ABHD1: variants seen among roughly 807,000 people sequenced by gnomAD.
ABHD1 encodes the protein abhydrolase domain containing 1, also known as protein ABHD1.
A neutral mutation model predicts 41.4 loss-of-function variants in ABHD1; 47 were observed. That is an observed-to-expected ratio of 1.13 (90% CI 0.90 to 1.45). ABHD1 has a LOEUF of 1.45. Among genes scored for constraint, ABHD1 ranks in the 40% most tolerant of loss-of-function variants. The pLI, the probability that ABHD1 is intolerant of heterozygous loss-of-function variation, is 0.00. For synonymous variants in ABHD1, 205 were observed against 203.7 expected (o/e 1.01, Z -0.05); for missense variants, 550 against 503.4 (o/e 1.09, Z -0.89).
intron 1 of ABHD1, 58 bp from the exon 2 acceptor site, chr2:27,128,383 G>T (rs777261230): frequency 6.2e-7 from 1 of 1,609,214 alleles, no homozygotes; most frequent in South Asian, 1.1e-5. Flanking sequence ...GGTGTTGGGT[G>T]CCTCACTAGC....
chr2:27,130,422 T>C lies in ABHD1; in HGVS notation c.1006+6T>C. 6.2e-7 allele frequency: 1 copy of C among 1,614,110 alleles called. No homozygotes were observed. The highest frequency in any genetic ancestry group is 8.5e-7 in the Non-Finnish European group (1 of 1,180,010). The stretch of plus-strand genomic sequence containing the variant: ...CCCCTTCTCCCCCGTCTGTGGTGAG[T>C]ACTCTGATTCAGGACACTTTGGCCC... On this transcript the variant is annotated splice_donor_region_variant and intron_variant, in intron 8 of 8. Transcript: ENST00000316470.
intron 1 of ABHD1, 75 bp downstream of exon 1, chr2:27,124,137 TG>T: frequency 7.4e-7 from 1 of 1,351,332 alleles, no homozygotes; most frequent in Non-Finnish European, 1.1e-6. Flanking sequence ...CTTGGGCCCT[TG>T]GTGGGAACTG....
chr2:27,130,238 G>GT lies in ABHD1; in HGVS notation c.841-12dup. 1 of 1,614,070 alleles carries GT rather than the reference G, an allele frequency of 6.2e-7. No individual in the cohort carries two copies. Among genetic ancestry groups the GT allele is most frequent in the Non-Finnish European group, 8.5e-7 (1 of 1,180,026 alleles). Reference sequence around the variant, plus strand: ...CTTTATCATCTTAGCCTATCCTATGGTAAGACCTGCAGGCCCGTACAATCC... The same window carrying GT: ...CTTTATCATCTTAGCCTATCCTATGGTTAAGACCTGCAGGCCCGTACAATCC... On this transcript the variant is annotated splice_polypyrimidine_tract_variant and intron_variant, in intron 7 of 8. Coordinates refer to ENST00000316470, the MANE Select transcript of ABHD1 (RefSeq NM_032604.4).
chr2:27,129,596 C>T lies in ABHD1; in HGVS notation c.587C>T (p.Pro196Leu). The T allele has an allele frequency of 6.2e-7, 1 of 1,613,660 alleles. No individual in the cohort carries two copies. Among genetic ancestry groups the T allele is most frequent in the Non-Finnish European group, 8.5e-7 (1 of 1,180,040 alleles). Residue 196 changes from proline to leucine, a missense_variant, in exon 5 of 9, where the codon CCA becomes CTA. Pro to Leu is a moderately conservative substitution (Grantham distance 98, BLOSUM62 -3). Transcript: ENST00000316470. The stretch of plus-strand genomic sequence containing the variant: ...ATAAAGCATCGTTATCCCCAAGCTC[C>T]ACTGCTGGCCGTGGGCATCTCTTTT... ...NHIKHRYPQAPLLAVGISFGG... is the reference protein window; with the variant it reads ...NHIKHRYPQALLLAVGISFGG...
Position 27,124,522 on chromosome 2 carries a change from C to A in ABHD1, c.114+460C>A, listed in dbSNP as rs573387566. 5.3e-5 allele frequency: 18 copies of A among 339,660 alleles called. No homozygotes were observed. The East Asian group carries it at 1.4e-3, about 27-fold the overall frequency. 21.0% of individuals were successfully genotyped at this position (339,660 alleles called of 1,614,324 possible). A position where few individuals can be genotyped will look rare whatever the true frequency, so the allele number is the denominator to read the frequency against. ...AGGTCAGAACTGGCCTAGCTCAGAA[C>A]TGATGGATGACCCCAACTGTCCTTG... On this transcript the variant is annotated intron_variant, in intron 1 of 8. Transcript: ENST00000316470.
At position 27,130,569 on chromosome 2, in the gene ABHD1, T is replaced by C. The variant is rs1259022167; in HGVS notation, c.1043T>C (p.Val348Ala). The change falls in exon 9 of 9, where the codon GTT (valine) becomes GCT (alanine). Residue 348 changes from valine to alanine, a missense_variant. Transcript: ENST00000316470. ...PIQAAQHSPY[V>A]ALLITARGGH... ...CAGGCCGCCCAACACTCCCCCTACG[T>C]TGCGCTGCTCATCACAGCCCGGGGT... The C allele has an allele frequency of 2.5e-6, 4 of 1,614,068 alleles. No individual in the cohort carries two copies. In the African/African-American group the frequency reaches 5.3e-5, roughly 22 times the overall value.
At position 27,127,235 on chromosome 2, in the gene ABHD1, T is replaced by C. The variant is rs759739084; in HGVS notation, c.115-1206T>C. Among the ~76,000 whole-genome samples, 138 of 125,374 alleles carry C rather than the reference T, an allele frequency of 1.1e-3. 1 individual carries two copies. Among genetic ancestry groups the C allele is most frequent in the Non-Finnish European group, 2.0e-3 (115 of 58,638 alleles). 82.3% of individuals were successfully genotyped at this position (125,374 alleles called of 152,430 possible). A position where few individuals can be genotyped will look rare whatever the true frequency, so the allele number is the denominator to read the frequency against. On this transcript the variant is annotated intron_variant, in intron 1 of 8. Coordinates refer to ENST00000316470, the MANE Select transcript of ABHD1 (RefSeq NM_032604.4). ...TTAGGAAGAAGACAGTGTAGCTTCATCTTTTTTTTTTTTTTTTTTTTTTTT... is the reference window on the plus strand; with the variant it reads ...TTAGGAAGAAGACAGTGTAGCTTCACCTTTTTTTTTTTTTTTTTTTTTTTT...
rs766770603 is a variant in ABHD1, at chr2:27,128,523, C to A, written c.197C>A (p.Thr66Lys). Residue 66 changes from threonine to lysine, a missense_variant, in exon 2 of 9, where the codon ACG (threonine) becomes AAG (lysine). Physicochemically the swap from Thr to Lys is moderately conservative, Grantham distance 78. Coordinates refer to ENST00000316470, the MANE Select transcript of ABHD1 (RefSeq NM_032604.4). ...ATCACCACCGAGACTTTCTACCCAA[C>A]GCTGTGGTGTTTTGAGGGGCGACTA... ...CSITTETFYP[T>K]LWCFEGRLQS... The A allele has an allele frequency of 4.3e-6, 7 of 1,614,024 alleles. No individual in the cohort carries two copies. The highest frequency in any genetic ancestry group is 2.2e-5 in the East Asian group (1 of 44,886).
In ABHD1 at chr2:27,128,467, G is replaced by C; in HGVS notation, c.141G>C (p.Gln47His). Residue 47 changes from glutamine (Q) to histidine (H), a missense_variant, in exon 2 of 9, where the codon CAG becomes CAC. Transcript: ENST00000316470. The part of the protein sequence containing the change: ...LQRPRLVAGP[Q>H]FLAFLEPHCS... ...GGCCTCGGCTGGTGGCTGGGCCGCA[G>C]TTTCTGGCCTTCCTGGAGCCACACT... is the stretch of plus-strand genomic sequence containing the variant. The C allele has an allele frequency of 3.7e-6, 6 of 1,614,130 alleles. No homozygotes were observed. The highest frequency in any genetic ancestry group is 5.1e-6 in the Non-Finnish European group (6 of 1,180,032).
Position 27,128,602 on chromosome 2 carries a change from G to C in ABHD1, c.275+1G>C. 6.2e-7 allele frequency: 1 copy of C among 1,614,044 alleles called. No homozygotes were observed. The highest frequency in any genetic ancestry group is 1.1e-5 in the South Asian group (1 of 91,078). On this transcript the variant is annotated splice_donor_variant, in intron 2 of 8. Coordinates refer to ENST00000316470, the MANE Select transcript of ABHD1 (RefSeq NM_032604.4). LOFTEE classifies it high-confidence loss of function. ...CTCAGCCCCTAGTCCTTTATCAGAGGTAAGAAGGGACAGAACAGGGTGAAC... is the reference window on the plus strand; with the variant it reads ...CTCAGCCCCTAGTCCTTTATCAGAGCTAAGAAGGGACAGAACAGGGTGAAC...
Position 27,130,407 on chromosome 2 carries a change from C to A in ABHD1, c.997C>A (p.Pro333Thr). The change falls in exon 8 of 9, where the codon CCC becomes ACC. Residue 333 changes from proline to threonine, a missense_variant. By Grantham distance (38) the Pro-to-Thr change is conservative. Coordinates refer to ENST00000316470, the MANE Select transcript of ABHD1 (RefSeq NM_032604.4). ...CAGTGCAGCAGATGACCCCTTCTCCCCCGTCTGTGGTGAGTACTCTGATTC... is the reference window on the plus strand; with the variant it reads ...CAGTGCAGCAGATGACCCCTTCTCCACCGTCTGTGGTGAGTACTCTGATTC... ...YLSAADDPFS[P>T]VCALPIQAAQ... 1 of 1,614,184 alleles carries A rather than the reference C, an allele frequency of 6.2e-7. No individual in the cohort carries two copies. Among genetic ancestry groups the A allele is most frequent in the Non-Finnish European group, 8.5e-7 (1 of 1,180,044 alleles).
chr2:27,129,312 ACAGGGCTGTCGTGTTTAACAAC>A lies in ABHD1; in HGVS notation c.459-2_478del. ...TGGCTAAGATGTACCTGTGTGTGCC[ACAGGGCTGTCGTGTTTAACAAC>A]CGGGGCTGCCGTGGGGAGGAACTGC... On this transcript the variant is annotated splice_acceptor_variant and splice_polypyrimidine_tract_variant and coding_sequence_variant and intron_variant, in exon 4 of 9. Transcript: ENST00000316470. LOFTEE classifies it high-confidence loss of function. The A allele has an allele frequency of 1.2e-6, 2 of 1,614,166 alleles. No homozygotes were observed. The highest frequency in any genetic ancestry group is 1.7e-6 in the Non-Finnish European group (2 of 1,180,020).
chr2:27,130,424 C>T lies in ABHD1; in HGVS notation c.1006+8C>T. The T allele has an allele frequency of 1.2e-6, 2 of 1,614,112 alleles. No individual in the cohort carries two copies. Among genetic ancestry groups the T allele is most frequent in the South Asian group, 2.2e-5 (2 of 91,080 alleles). Reference sequence around the variant, plus strand: ...CCTTCTCCCCCGTCTGTGGTGAGTACTCTGATTCAGGACACTTTGGCCCCA... The same window carrying T: ...CCTTCTCCCCCGTCTGTGGTGAGTATTCTGATTCAGGACACTTTGGCCCCA... On this transcript the variant is annotated splice_region_variant and intron_variant, in intron 8 of 8. Transcript: ENST00000316470.
chr2:27,128,396 G>T, intron 1 of ABHD1, 45 bp from the exon 2 acceptor site: 1 of 1,611,768 alleles, frequency 6.2e-7, no homozygotes. Context: ...TCACTAGCTT[G>T]GTGCAAAAGT....
Position 27,128,468 on chromosome 2 carries a change from T to A in ABHD1, c.142T>A (p.Phe48Ile). The stretch of plus-strand genomic sequence containing the variant: ...GCCTCGGCTGGTGGCTGGGCCGCAG[T>A]TTCTGGCCTTCCTGGAGCCACACTG... ...QRPRLVAGPQ[F>I]LAFLEPHCSI... Residue 48 changes from phenylalanine to isoleucine, a missense_variant, in exon 2 of 9, where the codon TTT becomes ATT. Transcript: ENST00000316470. 6.2e-7 allele frequency: 1 copy of A among 1,614,020 alleles called. No homozygotes were observed. Among genetic ancestry groups the A allele is most frequent in the Non-Finnish European group, 8.5e-7 (1 of 1,179,988 alleles).
intron 1 of ABHD1, chr2:27,127,033 A>G (rs1355323309): frequency 6.6e-6 from 1 of 151,084 alleles, no homozygotes; most frequent in East Asian, 2.0e-4. Context: ...AATCGTGTGA[A>G]CCCGGGAGGC....
chr2:27,130,691 G>C lies in ABHD1; in HGVS notation c.1165G>C (p.Glu389Gln), dbSNP rs1221930075. ...CGCCAAAGCCATCTTCCAGGACCCAGAGGGGCTGCCTGACCTCAGGGCTCT... is the reference window on the plus strand; with the variant it reads ...CGCCAAAGCCATCTTCCAGGACCCACAGGGGCTGCCTGACCTCAGGGCTCT... ...QYAKAIFQDPEGLPDLRALLP... is the reference protein window; with the variant it reads ...QYAKAIFQDPQGLPDLRALLP... Residue 389 changes from glutamate (E) to glutamine (Q), a missense_variant, in exon 9 of 9, where the codon GAG becomes CAG. Coordinates refer to ENST00000316470, the MANE Select transcript of ABHD1 (RefSeq NM_032604.4). 1 of 1,614,254 alleles carries C rather than the reference G, an allele frequency of 6.2e-7. No homozygotes were observed. The highest frequency in any genetic ancestry group is 2.2e-5 in the East Asian group (1 of 44,888).
Position 27,128,525 on chromosome 2 carries a change from C to T in ABHD1, c.199C>T (p.Leu67=), listed in dbSNP as rs755133067. 3.1e-6 allele frequency: 5 copies of T among 1,614,040 alleles called. No homozygotes were observed. Among genetic ancestry groups the T allele is most frequent in the African/African-American group, 1.3e-5 (1 of 74,906 alleles). Residue 67 remains leucine, a synonymous_variant, in exon 2 of 9, where the codon CTG becomes TTG. Coordinates refer to ENST00000316470, the MANE Select transcript of ABHD1 (RefSeq NM_032604.4). ...CACCACCGAGACTTTCTACCCAACGCTGTGGTGTTTTGAGGGGCGACTACA... is the reference window on the plus strand; with the variant it reads ...CACCACCGAGACTTTCTACCCAACGTTGTGGTGTTTTGAGGGGCGACTACA... ...SITTETFYPT[L]WCFEGRLQSI...
rs766714991 is a variant in ABHD1, at chr2:27,129,947, G to T, written c.791+20G>T. 1.2e-6 allele frequency: 2 copies of T among 1,613,680 alleles called. No individual in the cohort carries two copies. The highest frequency in any genetic ancestry group is 2.7e-5 in the African/African-American group (2 of 74,934). On this transcript the variant is annotated intron_variant, in intron 6 of 8. Transcript: ENST00000316470. ...GGAACGGTAGGGTCGTGGCAAGTGG[G>T]AGGAGGCAGTAGACAGAGTAGGATG...
Sources: allele counts gnomAD v4.1 joint callset (sites outside exome capture counted in the v4.1 genomes callset), GRCh38; gene constraint gnomAD v4.1.1; transcripts MANE v1.5; gene names NCBI Gene and HGNC (gene_info 2026-07-23, HGNC 2026-07-21).